The following KIAA0319L variants were observed in gnomAD, a reference collection of about 807,000 sequenced individuals.
The protein encoded by KIAA0319L is KIAA0319 like.
In KIAA0319L, 55 loss-of-function variants were observed where a neutral mutation model predicts 120.1. That is an observed-to-expected ratio of 0.46 (90% confidence interval 0.37 to 0.57). The LOEUF is 0.57. Ranked by LOEUF, KIAA0319L falls within the 20% of genes least tolerant of loss-of-function variation. The probability of loss-of-function intolerance (pLI) is 0.00; values close to 1 mark genes in which losing one functional copy is unlikely to be tolerated. For missense variants in KIAA0319L, 1,049 were observed against 1,255.3 expected (o/e 0.84, Z 2.48); for synonymous variants, 398 against 471.9 (o/e 0.84, Z 2.03).
chr1:35,495,739 A>G (rs1644778210), intron 3 of KIAA0319L, among the ~76,000 whole-genome samples: 1 of 151,908 alleles, frequency 6.6e-6, no homozygotes, highest in East Asian at 1.9e-4. Context: ...TGCAGCCTCA[A>G]CCTCCCAGGC....
At chr1:35,542,203 G>A (rs1646819811) in intron 2 of KIAA0319L, among the ~76,000 whole-genome samples, 1 of 152,218 alleles carries the variant, frequency 6.6e-6, no homozygotes, top group African/African-American at 2.4e-5. Flanking sequence ...GTACCTGGGA[G>A]TAGGCTAAGC....
intron 9 of KIAA0319L, among the ~76,000 whole-genome samples, chr1:35,456,911 G>A (rs1240504066): frequency 8.5e-6 from 1 of 117,392 alleles, no homozygotes; most frequent in Non-Finnish European, 1.7e-5. Flanking sequence ...AAAGAAGGAA[G>A]GAATGAAGGA....
chr1:35,513,288 A>ATATATATATATATATATTTTTT (rs1414704674), intron 2 of KIAA0319L, among the ~76,000 whole-genome samples: 1 of 85,338 alleles, frequency 1.2e-5, no homozygotes, highest in African/African-American at 4.3e-5. Flanking sequence ...ATATATATAT[A>ATATATATATATATATATTTTTT]TTTTTTTTTT....
chr1:35,462,638 G>A lies in KIAA0319L; in HGVS notation c.1277C>T (p.Thr426Ile), dbSNP rs1475756957. The A allele has an allele frequency of 1.9e-6, 3 of 1,612,562 alleles. No homozygotes were observed. Among genetic ancestry groups the A allele is most frequent in the Non-Finnish European group, 1.7e-6 (2 of 1,178,574 alleles). ...FQEISLPTTS[T>I]VIDGSQSTDD... ...GTACTCACGACTGCCATCAATGACT[G>A]TAGAAGTGGTTGGCAAAGAGATCTC... Residue 426 changes from threonine (T) to isoleucine (I), a missense_variant, in exon 8 of 21, where the codon ACA becomes ATA. Transcript: ENST00000325722.
chr1:35,504,685 C>A (rs1200740279), intron 3 of KIAA0319L, among the ~76,000 whole-genome samples: 1 of 152,196 alleles, frequency 6.6e-6, no homozygotes, highest in Admixed American at 6.5e-5. Context: ...ACATTCCTAA[C>A]CCCTACACTG....
chr1:35,442,327 A>T lies in KIAA0319L; in HGVS notation c.2789T>A (p.Val930Glu). 1.2e-6 allele frequency: 2 copies of T among 1,612,584 alleles called. No homozygotes were observed. Among genetic ancestry groups the T allele is most frequent in the Non-Finnish European group, 1.7e-6 (2 of 1,178,600 alleles). Reference protein sequence around the residue: ...RDGDSNCEWSVLYVIIATFVI... With the variant: ...RDGDSNCEWSELYVIIATFVI... ...AAAGGTAGCAATGATAACATATAAC[A>T]CGCTCCACTCTGCCAAGAAAATCAA... is the stretch of plus-strand genomic sequence containing the variant. The change falls in exon 19 of 21, where the codon GTG becomes GAG. Residue 930 changes from valine to glutamate, a missense_variant. Physicochemically the swap from Val to Glu is moderately radical, Grantham distance 121. Transcript: ENST00000325722.
chr1:35,477,476 G>A (rs556227626), intron 4 of KIAA0319L, among the ~76,000 whole-genome samples: 3 of 152,184 alleles, frequency 2.0e-5, no homozygotes, highest in South Asian at 2.1e-4. Context: ...GACCATCCTG[G>A]CTAACACGGT....
intron 5 of KIAA0319L, among the ~76,000 whole-genome samples, chr1:35,472,786 CTTT>C (rs760880560): frequency 4.3e-5 from 6 of 139,186 alleles, no homozygotes; most frequent in Admixed American, 7.3e-5. Context: ...ATCTATTTCC[CTTT>C]TTTTTTTTTT....
intron 3 of KIAA0319L, among the ~76,000 whole-genome samples, chr1:35,497,173 T>C (rs1644841740): frequency 6.9e-6 from 1 of 145,562 alleles, no homozygotes; most frequent in Non-Finnish European, 1.5e-5. Flanking sequence ...TTTGGATAAA[T>C]GGGGACAAGG....
chr1:35,509,601 C>A (rs965365160), intron 2 of KIAA0319L: 12 of 152,262 alleles, frequency 7.9e-5, no homozygotes, highest in African/African-American at 2.9e-4. Context: ...CCTCCAGTCT[C>A]CAAAGACATC....
At chr1:35,461,919 A>G (rs1267760997) in intron 8 of KIAA0319L, among the ~76,000 whole-genome samples, 2 of 152,106 alleles carry the variant, frequency 1.3e-5, no homozygotes, top group Non-Finnish European at 2.9e-5. Context: ...GCCTCTCCCA[A>G]AAACCATCGC....
intron 3 of KIAA0319L, among the ~76,000 whole-genome samples, chr1:35,487,936 G>T (rs1644449795): frequency 6.6e-6 from 1 of 152,178 alleles, no homozygotes; most frequent in African/African-American, 2.4e-5. Context: ...TTCACAGTCA[G>T]GTTATGGGGG....
rs566486812 is a variant in KIAA0319L, at chr1:35,506,227, C to T, written c.666+385G>A. 6.8e-4 allele frequency among the ~76,000 whole-genome samples: 104 copies of T among 152,294 alleles called. No homozygotes were observed. Among genetic ancestry groups the T allele is most frequent in the Non-Finnish European group, 1.3e-3 (90 of 68,036 alleles). Reference sequence around the variant, plus strand: ...AACTACCTCATAAAGAATGTGTTTACAGGCGAGAGATGGAGGAGAACTTGA... The same window carrying T: ...AACTACCTCATAAAGAATGTGTTTATAGGCGAGAGATGGAGGAGAACTTGA... On this transcript the variant is annotated intron_variant, in intron 3 of 20. Transcript: ENST00000325722. The surrounding 1 kb of genome is among the most constrained non-coding windows in gnomAD (Gnocchi z 4.0).
intron 2 of KIAA0319L, among the ~76,000 whole-genome samples, chr1:35,552,397 G>C (rs2148518622): frequency 6.6e-6 from 1 of 152,212 alleles, no homozygotes; most frequent in East Asian, 1.9e-4. Context: ...GGAAGGCAGA[G>C]TACCAGAAGA....
intron 2 of KIAA0319L, among the ~76,000 whole-genome samples, chr1:35,518,499 A>G (rs1645773852): frequency 1.3e-5 from 2 of 152,322 alleles, no homozygotes; most frequent in South Asian, 4.1e-4. Flanking sequence ...TGGGAGCTAA[A>G]TGATGAGAAC....
intron 2 of KIAA0319L, among the ~76,000 whole-genome samples, chr1:35,512,498 A>T (rs958541100): frequency 2.0e-5 from 3 of 152,142 alleles, no homozygotes; most frequent in Non-Finnish European, 4.4e-5. Context: ...TGTTCAAAAG[A>T]TCAATAAAGC....
intron 2 of KIAA0319L, among the ~76,000 whole-genome samples, chr1:35,542,728 C>T (rs984124547): frequency 6.6e-6 from 1 of 152,218 alleles, no homozygotes; most frequent in Non-Finnish European, 1.5e-5. Flanking sequence ...CTGCCAGTTT[C>T]ACACAATGCC....
At chr1:35,545,269 G>A (rs757303681) in intron 2 of KIAA0319L, among the ~76,000 whole-genome samples, 37 of 152,250 alleles carry the variant, frequency 2.4e-4, no homozygotes, top group South Asian at 8.3e-4. Context: ...CCAGAGTGAA[G>A]AGTGAAGCAA....
intron 2 of KIAA0319L, among the ~76,000 whole-genome samples, chr1:35,544,293 C>T (rs1322106643): frequency 2.7e-5 from 4 of 150,002 alleles, no homozygotes; most frequent in African/African-American, 7.4e-5. Flanking sequence ...CGCTTGAACC[C>T]GGAAGGTGGA....
Sources: allele counts gnomAD v4.1 joint callset (sites outside exome capture counted in the v4.1 genomes callset), GRCh38; gene constraint gnomAD v4.1.1; non-coding constraint Gnocchi (gnomAD v3.1); transcripts MANE v1.5; gene names NCBI Gene and HGNC (gene_info 2026-07-23, HGNC 2026-07-21).